The following ADRA1A variants were observed in gnomAD, a reference collection of about 807,000 sequenced individuals.
ADRA1A encodes adrenoceptor alpha 1A.
ADRA1A carries 31 observed loss-of-function variants against 29.6 expected under a neutral mutation model. The observed-to-expected ratio is 1.05, with a 90% CI of 0.79 to 1.41. The LOEUF is 1.41. Ranked by LOEUF, ADRA1A falls within the 40% of genes most tolerant of loss-of-function variation. The pLI, the probability that ADRA1A is intolerant of heterozygous loss-of-function variation, is 0.00. For synonymous variants in ADRA1A, 311 were observed against 254.3 expected, an observed-to-expected ratio of 1.22 and a Z score of -2.12; for missense variants, 619 against 601.1, an observed-to-expected ratio of 1.03 and a Z score of -0.31.
intron 2 of ADRA1A, among the ~76,000 whole-genome samples, chr8:26,807,363 T>C (rs1232795029): frequency 6.6e-6 from 1 of 152,174 alleles, no homozygotes; most frequent in African/African-American, 2.4e-5. Context: ...GCTAAAAATA[T>C]TAACTGAAGA....
intron 2 of ADRA1A, among the ~76,000 whole-genome samples, chr8:26,784,276 C>G (rs1274258905): frequency 6.6e-6 from 1 of 152,218 alleles, no homozygotes; most frequent in Non-Finnish European, 1.5e-5. Flanking sequence ...TTTTCTGTGA[C>G]CTCACACCAG....
intron 2 of ADRA1A, chr8:26,771,777 A>T (rs1023384721): frequency 6.5e-6 from 1 of 153,416 alleles, no homozygotes; most frequent in African/African-American, 2.4e-5. Flanking sequence ...CCAGCCTTGC[A>T]CTTGTCCACA....
At chr8:26,824,609 C>T (rs1263673524) in intron 2 of ADRA1A, among the ~76,000 whole-genome samples, 1 of 152,168 alleles carries the variant, frequency 6.6e-6, no homozygotes, top group Non-Finnish European at 1.5e-5. Context: ...CTGCCCCTCC[C>T]CCTTCCTCCC....
intron 2 of ADRA1A, among the ~76,000 whole-genome samples, chr8:26,857,525 G>T (rs1813137757): frequency 2.6e-5 from 4 of 152,086 alleles, no homozygotes; most frequent in African/African-American, 9.7e-5. Context: ...ATAAAAATTA[G>T]CCAGGCATGG....
At chr8:26,764,562 A>G (rs1805672730), downstream of ADRA1A, among the ~76,000 whole-genome samples, 1 of 152,224 alleles carries the variant, frequency 6.6e-6, no homozygotes, top group African/African-American at 2.4e-5. Flanking sequence ...TGGAGGTGTC[A>G]TGGAAAAAGG....
At chr8:26,809,862 C>G (rs1440720219) in intron 2 of ADRA1A, among the ~76,000 whole-genome samples, 1 of 152,202 alleles carries the variant, frequency 6.6e-6, no homozygotes, top group Non-Finnish European at 1.5e-5. Flanking sequence ...GCTTACCTCT[C>G]TAAATAGCTC....
downstream of ADRA1A, chr8:26,766,100 T>C: frequency 6.2e-7 from 1 of 1,613,830 alleles, no homozygotes; most frequent in Non-Finnish European, 8.5e-7. Flanking sequence ...ATTCACATGC[T>C]TGATATGCTC....
At position 26,770,362 on chromosome 8, in the gene ADRA1A, T is replaced by C; in HGVS notation, c.1188A>G (p.Glu396=). ...YRISKTDGVC[E]WKFFSSMPRG... ...GGGGCATGGAAGAGAAAAATTTCCA[T>C]TCACAAACGCCATCCGTCTTGGAGA... Residue 396 remains glutamate (E), a synonymous_variant, in exon 3 of 3, where the codon GAA becomes GAG. Transcript: ENST00000380573. 1 of 1,614,204 alleles carries C rather than the reference T, an allele frequency of 6.2e-7. No individual in the cohort carries two copies. The highest frequency in any genetic ancestry group is 8.5e-7 in the Non-Finnish European group (1 of 1,180,032).
rs188943641 is a variant in ADRA1A at position 26,817,565 on chromosome 8, G to A, written c.883+46522C>T. Reference sequence around the variant, plus strand: ...AGGACAAGGCAGGTGGATCCTTTGAGTTCAGGAGTTTGAGACCAGGCTGGG... The same window carrying A: ...AGGACAAGGCAGGTGGATCCTTTGAATTCAGGAGTTTGAGACCAGGCTGGG... On this transcript the variant is annotated intron_variant, in intron 2 of 2. Coordinates refer to ENST00000380573, the MANE Select transcript of ADRA1A (RefSeq NM_000680.4). Among the ~76,000 whole-genome samples the A allele has an allele frequency of 2.8e-3, 422 of 152,298 alleles. 8 individuals are homozygous for A. Among genetic ancestry groups the A allele is most frequent in the Admixed American group, 0.024 (360 of 15,292 alleles).
rs1810298095 is a variant in ADRA1A, at chr8:26,823,093, C to T, written c.883+40994G>A. Reference sequence around the variant, plus strand: ...TCACAGGCCAAGAAAGTTTTTCTCTCCTTTCCAACTGTGAACTGTAATTTT... The same window carrying T: ...TCACAGGCCAAGAAAGTTTTTCTCTTCTTTCCAACTGTGAACTGTAATTTT... On this transcript the variant is annotated intron_variant, in intron 2 of 2. Transcript: ENST00000380573. The surrounding 1 kb of genome is among the most constrained non-coding windows in gnomAD (Gnocchi z 4.2). Among the ~76,000 whole-genome samples, 1 of 152,170 alleles carries T rather than the reference C, an allele frequency of 6.6e-6. No homozygotes were observed. The highest frequency in any genetic ancestry group is 2.4e-5 in the African/African-American group (1 of 41,438).
At chr8:26,816,326 T>C (rs918773442) in intron 2 of ADRA1A, among the ~76,000 whole-genome samples, 23 of 152,174 alleles carry the variant, frequency 1.5e-4, no homozygotes, top group Non-Finnish European at 2.9e-5. Context: ...GGTTCAGACC[T>C]ATTGATTGGG....
intron 2 of ADRA1A, among the ~76,000 whole-genome samples, chr8:26,749,021 A>T (rs1213180900): frequency 1.3e-5 from 2 of 152,170 alleles, no homozygotes; most frequent in Non-Finnish European, 2.9e-5. Context: ...GTAAATAAGG[A>T]ATTTGTTAGG....
rs1438948341 is a variant in ADRA1A at position 26,775,798 on chromosome 8, T to A, written c.884-5132A>T. The stretch of plus-strand genomic sequence containing the variant: ...CCAACTTACGCCGGTCAGACTGAGG[T>A]GGATAGAACAGGAGTTTATGGCCAA... On this transcript the variant is annotated intron_variant, in intron 2 of 2. Transcript: ENST00000380573. This position sits in a 1 kb window ranked among gnomAD's most constrained non-coding sequence, Gnocchi z 4.1. 6.6e-6 allele frequency among the ~76,000 whole-genome samples: 1 copy of A among 152,136 alleles called. No homozygotes were observed. The highest frequency in any genetic ancestry group is 1.5e-5 in the Non-Finnish European group (1 of 68,036).
intron 2 of ADRA1A, among the ~76,000 whole-genome samples, chr8:26,827,951 T>A (rs1297526010): frequency 6.6e-6 from 1 of 152,216 alleles, no homozygotes; most frequent in Non-Finnish European, 1.5e-5. Flanking sequence ...TGGGGTGCAG[T>A]GGCGTGATCA....
downstream of ADRA1A, among the ~76,000 whole-genome samples, chr8:26,762,502 G>A (rs1805561907): frequency 3.3e-5 from 5 of 152,192 alleles, no homozygotes; most frequent in South Asian, 8.3e-4. This position sits in a 1 kb window ranked among gnomAD's most constrained non-coding sequence, Gnocchi z 4.0. Context: ...TGGATTCCAT[G>A]GGAAATGGCA....
chr8:26,762,384 C>A (rs954739625), downstream of ADRA1A, among the ~76,000 whole-genome samples: 1 of 152,118 alleles, frequency 6.6e-6, no homozygotes, highest in African/African-American at 2.4e-5. The surrounding 1 kb of genome is among the most constrained non-coding windows in gnomAD (Gnocchi z 4.0). Flanking sequence ...CTGCCCTGGG[C>A]TCTCTGGAAG....
intron 2 of ADRA1A, among the ~76,000 whole-genome samples, chr8:26,844,003 C>A (rs116660640): frequency 0.025 from 3,772 of 152,282 alleles, 137 homozygotes; most frequent in African/African-American, 0.085. Context: ...TTTTGAGCAT[C>A]ATGAGATAAC....
In ADRA1A at chr8:26,864,398, C is replaced by A. The variant is rs556158813; in HGVS notation, c.572G>T (p.Gly191Val). The change falls in exon 2 of 3, where the codon GGC becomes GTC. Residue 191 changes from glycine (G) to valine (V), a missense_variant. Physicochemically the swap from Gly to Val is moderately radical, Grantham distance 109. Transcript: ENST00000380573. The surrounding 1 kb of genome is among the most constrained non-coding windows in gnomAD (Gnocchi z 8.1). Reference sequence around the variant, plus strand: ...GATGGCCAGAGGCAGGTAGAAGGAGCCCAGCGCTGAGAAGAGCACGTAGCC... The same window carrying A: ...GATGGCCAGAGGCAGGTAGAAGGAGACCAGCGCTGAGAAGAGCACGTAGCC... Reference protein sequence around the residue: ...EPGYVLFSALGSFYLPLAIIL... With the variant: ...EPGYVLFSALVSFYLPLAIIL... The A allele has an allele frequency of 1.9e-6, 3 of 1,613,576 alleles. No homozygotes were observed. Among genetic ancestry groups the A allele is most frequent in the Non-Finnish European group, 2.5e-6 (3 of 1,180,014 alleles).
Position 26,768,930 on chromosome 8 carries a change from C to T in ADRA1A, c.*1219G>A. 1 of 985,396 alleles carries T rather than the reference C, an allele frequency of 1.0e-6. No homozygotes were observed. Among genetic ancestry groups the T allele is most frequent in the Non-Finnish European group, 1.2e-6 (1 of 829,926 alleles). 61.0% of individuals were successfully genotyped at this position (985,396 alleles called of 1,614,324 possible). A position where few individuals can be genotyped will look rare whatever the true frequency, so the allele number is the denominator to read the frequency against. On this transcript the variant is annotated 3_prime_UTR_variant, in exon 3 of 3. Transcript: ENST00000380573. ...TTGAGTTGACTACTGGATCTTTTAC[C>T]AGAACAAATGGCCTTCTATCAAAAA...
Sources: gnomAD v4.1 joint callset for allele counts (sites outside exome capture counted in the v4.1 genomes callset) on GRCh38, gnomAD v4.1.1 for gene constraint, Gnocchi (gnomAD v3.1) non-coding constraint, MANE v1.5 for transcripts, NCBI Gene and HGNC (gene_info 2026-07-23, HGNC 2026-07-21) for gene names.